Variants in CRYGA observed in about 807,000 individuals in gnomAD.
The protein encoded by CRYGA is gamma-crystallin A.
A neutral mutation model predicts 13.8 loss-of-function variants in CRYGA; 11 were observed. The ratio of observed to expected loss-of-function variants is 0.80; its 90% confidence interval spans 0.50 to 1.32. CRYGA has a LOEUF of 1.32. Ranked by LOEUF, CRYGA falls within the 40% of genes most tolerant of loss-of-function variation. The probability of loss-of-function intolerance (pLI) is 0.00; values close to 1 mark genes in which losing one functional copy is unlikely to be tolerated. For synonymous variants in CRYGA, 97 were observed against 89.3 expected (o/e 1.09, Z -0.48); for missense variants, 271 against 234.1 (o/e 1.16, Z -1.03).
intron 2 of CRYGA, among the ~76,000 whole-genome samples, chr2:208,162,845 C>CAA (rs200926418): frequency 3.2e-4 from 45 of 142,254 alleles, no homozygotes; most frequent in African/African-American, 9.0e-4. Flanking sequence ...AGTTCTGTCT[C>CAA]AAAAAAAAAA....
chr2:208,162,901 C>CTTTTTTTTTTTTTTTTT (rs36112033), intron 2 of CRYGA, among the ~76,000 whole-genome samples: 1 of 138,740 alleles, frequency 7.2e-6, no homozygotes, highest in Non-Finnish European at 1.5e-5. Context: ...TTCTTTCTTT[C>CTTTTTTTTTTTTTTTTT]TTTTTTTTTT....
Position 208,160,836 on chromosome 2 carries a change from C to T in CRYGA, c.493G>A (p.Gly165Ser), listed in dbSNP as rs371873944. The change falls in exon 3 of 3, where the codon GGC (glycine) becomes AGC (serine). Residue 165 changes from glycine (G) to serine (S), a missense_variant. Coordinates refer to ENST00000304502, the MANE Select transcript of CRYGA (RefSeq NM_014617.4). The part of the protein sequence containing the change: ...HDWGGADAKV[G>S]SLRRVTDLY ...AAATCGGTGACCCGTCTCAAAGAGC[C>T]GACTTTGGCATCTGCACCCCCCCAG... 1.6e-5 allele frequency: 25 copies of T among 1,611,244 alleles called. No individual in the cohort carries two copies. Among genetic ancestry groups the T allele is most frequent in the Admixed American group, 8.3e-5 (5 of 59,954 alleles).
chr2:208,161,893 C>A (rs1318919163), intron 2 of CRYGA, among the ~76,000 whole-genome samples: 1 of 151,602 alleles, frequency 6.6e-6, no homozygotes, highest in South Asian at 2.1e-4. Flanking sequence ...TTTATTTATA[C>A]CTCTTTGCGC....
intron 2 of CRYGA, 125 bp from the exon 3 acceptor site, chr2:208,161,201 C>T (rs1695751647): frequency 1.0e-6 from 1 of 963,698 alleles, no homozygotes; most frequent in Non-Finnish European, 1.5e-6. Flanking sequence ...AGATAAAGGT[C>T]TTGCTGTGTT....
At chr2:208,161,939 AT>A (rs1695767560) in intron 2 of CRYGA, among the ~76,000 whole-genome samples, 1 of 151,340 alleles carries the variant, frequency 6.6e-6, no homozygotes, top group South Asian at 2.1e-4. Context: ...TTGTTTTTTT[AT>A]TTTTTTATTT....
At position 208,163,279 on chromosome 2, in the gene CRYGA, G is replaced by C; in HGVS notation, c.177C>G (p.Arg59=). Residue 59 remains arginine, a synonymous_variant, in exon 2 of 3, where the codon CGC becomes CGG. Transcript: ENST00000304502. The part of the protein sequence containing the change: ...PNYQGHQYFL[R]RGKYPDYQHW... Reference sequence around the variant, plus strand: ...GCTGATAGTCGGGGTACTTGCCTCGGCGCAGGAAGTACTGGTGGCCCTGGT... The same window carrying C: ...GCTGATAGTCGGGGTACTTGCCTCGCCGCAGGAAGTACTGGTGGCCCTGGT... 1 of 1,614,078 alleles carries C rather than the reference G, an allele frequency of 6.2e-7. No homozygotes were observed. The highest frequency in any genetic ancestry group is 8.5e-7 in the Non-Finnish European group (1 of 1,180,020).
Position 208,160,858 on chromosome 2 carries a change from C to A in CRYGA, c.471G>T (p.Trp157Cys), listed in dbSNP as rs1052600801. 7 of 1,612,318 alleles carry A rather than the reference C, an allele frequency of 4.3e-6. No individual in the cohort carries two copies. The South Asian group carries it at 7.7e-5, about 18-fold the overall frequency. ...RPGDYRRYHD[W>C]GGADAKVGSL... ...AGCCGACTTTGGCATCTGCACCCCC[C>A]CAGTCGTGGTACCTTCTGTAGTCCC... The change falls in exon 3 of 3, where the codon TGG (tryptophan) becomes TGT (cysteine). Residue 157 changes from tryptophan to cysteine, a missense_variant. Trp to Cys is a radical substitution (Grantham distance 215). Coordinates refer to ENST00000304502, the MANE Select transcript of CRYGA (RefSeq NM_014617.4).
In CRYGA at chr2:208,160,979, C is replaced by T. The variant is rs199794131; in HGVS notation, c.350G>A (p.Arg117His). ...DDCACVPELFRLPEIYSLHVL... is the reference protein window; with the variant it reads ...DDCACVPELFHLPEIYSLHVL... The stretch of plus-strand genomic sequence containing the variant: ...GTGGAGGGAATAGATCTCAGGGAGA[C>T]GGAACAGTTCTGGAACACAGGCGCA... Residue 117 changes from arginine (R) to histidine (H), a missense_variant, in exon 3 of 3, where the codon CGT (arginine) becomes CAT (histidine). Transcript: ENST00000304502. 26 of 1,613,854 alleles carry T rather than the reference C, an allele frequency of 1.6e-5. No homozygotes were observed. The highest frequency in any genetic ancestry group is 4.0e-5 in the African/African-American group (3 of 74,968).
At position 208,161,021 on chromosome 2, in the gene CRYGA, G is replaced by A; in HGVS notation, c.308C>T (p.Ser103Phe). Residue 103 changes from serine to phenylalanine, a missense_variant, in exon 3 of 3, where the codon TCT becomes TTT. Ser to Phe is a radical substitution (Grantham distance 155). Coordinates refer to ENST00000304502, the MANE Select transcript of CRYGA (RefSeq NM_014617.4). ...YERDDYRGLMSELTDDCACVP... is the reference protein window; with the variant it reads ...YERDDYRGLMFELTDDCACVP... ...ACAGGCGCAGTCATCAGTGAGCTCA[G>A]ACATAAGGCCTCGGTAGTCATCTCT... 1 of 1,614,012 alleles carries A rather than the reference G, an allele frequency of 6.2e-7. No homozygotes were observed. Among genetic ancestry groups the A allele is most frequent in the Non-Finnish European group, 8.5e-7 (1 of 1,179,938 alleles).
chr2:208,162,040 A>C (rs1245505493), intron 2 of CRYGA, among the ~76,000 whole-genome samples: 1 of 152,060 alleles, frequency 6.6e-6, no homozygotes, highest in Non-Finnish European at 1.5e-5. Context: ...GGGTTCAAGC[A>C]ATTCTCCTGT....
In CRYGA at chr2:208,163,367, A is replaced by G. The variant is rs752704157; in HGVS notation, c.89T>C (p.Phe30Ser). The G allele has an allele frequency of 6.2e-7, 1 of 1,613,936 alleles. No individual in the cohort carries two copies. The highest frequency in any genetic ancestry group is 2.2e-5 in the East Asian group (1 of 44,870). The change falls in exon 2 of 3, where the codon TTC (phenylalanine) becomes TCC (serine). Residue 30 changes from phenylalanine (F) to serine (S), a missense_variant. Physicochemically the swap from Phe to Ser is radical, Grantham distance 155. Coordinates refer to ENST00000304502, the MANE Select transcript of CRYGA (RefSeq NM_014617.4). ...TACTCGGATGGAGTTGCAGCGGCTG[A>G]AGTAGACCCGCAGGTTGGGGCAGTC... ...ISDCPNLRVY[F>S]SRCNSIRVDS...
At chr2:208,163,467 C>T (rs796280) in intron 1 of CRYGA, 21 bp from the exon 2 acceptor site, 319,036 of 1,612,426 alleles carry the variant, frequency 0.2, 37,475 homozygotes, top group East Asian at 0.58. Context: ...AATAAGGTGA[C>T]AGTAGACAGT....
In CRYGA at chr2:208,160,857, C is replaced by T. The variant is rs980389639; in HGVS notation, c.472G>A (p.Gly158Arg). 6.2e-7 allele frequency: 1 copy of T among 1,612,454 alleles called. No homozygotes were observed. The highest frequency in any genetic ancestry group is 8.5e-7 in the Non-Finnish European group (1 of 1,178,518). Residue 158 changes from glycine (G) to arginine (R), a missense_variant, in exon 3 of 3, where the codon GGG becomes AGG. Transcript: ENST00000304502. Reference protein sequence around the residue: ...PGDYRRYHDWGGADAKVGSLR... With the variant: ...PGDYRRYHDWRGADAKVGSLR... ...GAGCCGACTTTGGCATCTGCACCCC[C>T]CCAGTCGTGGTACCTTCTGTAGTCC...
chr2:208,160,839 C>T lies in CRYGA; in HGVS notation c.490G>A (p.Val164Ile), dbSNP rs866669425. 2.5e-6 allele frequency: 4 copies of T among 1,611,792 alleles called. No homozygotes were observed. The Admixed American group carries it at 6.7e-5, about 27-fold the overall frequency. ...YHDWGGADAK[V>I]GSLRRVTDLY ...TCGGTGACCCGTCTCAAAGAGCCGA[C>T]TTTGGCATCTGCACCCCCCCAGTCG... Residue 164 changes from valine (V) to isoleucine (I), a missense_variant, in exon 3 of 3, where the codon GTC (valine) becomes ATC (isoleucine). Coordinates refer to ENST00000304502, the MANE Select transcript of CRYGA (RefSeq NM_014617.4).
chr2:208,161,089 T>C lies in CRYGA; in HGVS notation c.253-13A>G. ...TGTGCGAGCTGGTCTGTCATGGCAA[T>C]AAACAAAAGAACAAAAATAAACAGC... On this transcript the variant is annotated splice_polypyrimidine_tract_variant and intron_variant, in intron 2 of 2. Transcript: ENST00000304502. 6.2e-7 allele frequency: 1 copy of C among 1,609,374 alleles called. No homozygotes were observed. Among genetic ancestry groups the C allele is most frequent in the Non-Finnish European group, 8.5e-7 (1 of 1,176,342 alleles).
Position 208,160,946 on chromosome 2 carries a change from T to A in CRYGA, c.383A>T (p.Glu128Val). 1 of 1,613,762 alleles carries A rather than the reference T, an allele frequency of 6.2e-7. No individual in the cohort carries two copies. Among genetic ancestry groups the A allele is most frequent in the Non-Finnish European group, 8.5e-7 (1 of 1,179,928 alleles). Residue 128 changes from glutamate to valine, a missense_variant, in exon 3 of 3, where the codon GAG becomes GTG. Transcript: ENST00000304502. ...LPEIYSLHVLEGCWVLYEMPN... is the reference protein window; with the variant it reads ...LPEIYSLHVLVGCWVLYEMPN... Reference sequence around the variant, plus strand: ...CATTTCATAGAGGACCCAGCAGCCCTCCAGTACGTGGAGGGAATAGATCTC... The same window carrying A: ...CATTTCATAGAGGACCCAGCAGCCCACCAGTACGTGGAGGGAATAGATCTC...
intron 2 of CRYGA, among the ~76,000 whole-genome samples, chr2:208,161,439 C>CA (rs1299757118): frequency 8.3e-6 from 1 of 120,938 alleles, no homozygotes; most frequent in Non-Finnish European, 1.7e-5. Context: ...CTTGGCCTCC[C>CA]AAAATGTTGG....
intron 1 of CRYGA, 37 bp from the exon 2 acceptor site, chr2:208,163,483 G>A (rs932169794): frequency 6.2e-7 from 1 of 1,612,616 alleles, no homozygotes; most frequent in Non-Finnish European, 8.5e-7. Context: ...ACAGTCAGCT[G>A]GAAGGAACAT....
At position 208,163,311 on chromosome 2, in the gene CRYGA, G is replaced by T. The variant is rs1695798824; in HGVS notation, c.145C>A (p.Pro49Thr). 1 of 1,614,058 alleles carries T rather than the reference G, an allele frequency of 6.2e-7. No homozygotes were observed. Among genetic ancestry groups the T allele is most frequent in the Admixed American group, 1.7e-5 (1 of 60,006 alleles). ...DSGCWMLYER[P>T]NYQGHQYFLR... ...AAGTACTGGTGGCCCTGGTAATTGGGACGCTCATAGAGCATCCAGCAGCCG... is the reference window on the plus strand; with the variant it reads ...AAGTACTGGTGGCCCTGGTAATTGGTACGCTCATAGAGCATCCAGCAGCCG... Residue 49 changes from proline to threonine, a missense_variant, in exon 2 of 3, where the codon CCC becomes ACC. Transcript: ENST00000304502.
Sources: gnomAD v4.1 joint callset for allele counts (sites outside exome capture counted in the v4.1 genomes callset) on GRCh38, gnomAD v4.1.1 for gene constraint, MANE v1.5 for transcripts, NCBI Gene and HGNC (gene_info 2026-07-23, HGNC 2026-07-21) for gene names.